Variants in CYP2C18 observed in about 807,000 individuals in gnomAD.
CYP2C18 encodes cytochrome P450 family 2 subfamily C member 18.
CYP2C18 carries 38 observed loss-of-function variants against 41.3 expected under a neutral mutation model. That is an observed-to-expected ratio of 0.92 (90% CI 0.71 to 1.21). The LOEUF is 1.21. Ranked by LOEUF, CYP2C18 falls within the 50% of genes most tolerant of loss-of-function variation. The probability of loss-of-function intolerance (pLI) is 0.00; values close to 1 mark genes in which losing one functional copy is unlikely to be tolerated. For missense variants in CYP2C18, 635 were observed against 591.4 expected (o/e 1.07, Z -0.77); for synonymous variants, 236 against 210.0 (o/e 1.12, Z -1.07).
intron 4 of CYP2C18, among the ~76,000 whole-genome samples, chr10:94,704,537 T>G (rs1847303634): frequency 6.6e-6 from 1 of 151,154 alleles, no homozygotes; most frequent in Admixed American, 6.6e-5. Context: ...TGGAAGGAAG[T>G]AAGGAAAGGA....
chr10:94,692,795 G>C (rs1377771508), intron 3 of CYP2C18, among the ~76,000 whole-genome samples: 1 of 152,158 alleles, frequency 6.6e-6, no homozygotes, highest in African/African-American at 2.4e-5. Flanking sequence ...CGATAGACTG[G>C]ATTAAGAAAA....
At chr10:94,712,030 TAGAGATAGGG>T (rs1589801020) in intron 5 of CYP2C18, among the ~76,000 whole-genome samples, 36 of 98,352 alleles carry the variant, frequency 3.7e-4, no homozygotes, top group East Asian at 1.5e-3. Context: ...TTTTTTTTTG[TAGAGATAGGG>T]TCTTTCCAGG....
intron 5 of CYP2C18, among the ~76,000 whole-genome samples, chr10:94,708,171 C>T (rs143101926): frequency 6.6e-6 from 1 of 152,222 alleles, no homozygotes; most frequent in East Asian, 1.9e-4. Context: ...CATGAAATTG[C>T]CCATGGAATG....
chr10:94,698,803 A>G (rs1323481015), intron 4 of CYP2C18, among the ~76,000 whole-genome samples: 1 of 152,218 alleles, frequency 6.6e-6, no homozygotes, highest in African/African-American at 2.4e-5. Context: ...GGATATCACC[A>G]CCAATCCCAC....
intron 6 of CYP2C18, among the ~76,000 whole-genome samples, chr10:94,721,799 T>C (rs756663252): frequency 7.2e-5 from 11 of 152,162 alleles, no homozygotes; most frequent in Non-Finnish European, 1.5e-4. Flanking sequence ...TTCGTTCTTT[T>C]ACATGGCTGA....
intron 5 of CYP2C18, among the ~76,000 whole-genome samples, chr10:94,720,131 TAG>T (rs988799926): frequency 2.0e-5 from 3 of 152,156 alleles, no homozygotes; most frequent in African/African-American, 7.2e-5. Flanking sequence ...TTATATGTCA[TAG>T]ACAAGAAATA....
At chr10:94,695,192 G>C in intron 4 of CYP2C18, 115 bp downstream of exon 4, 2 of 970,952 alleles carry the variant, frequency 2.1e-6, no homozygotes, top group Non-Finnish European at 1.5e-6. Flanking sequence ...GTGCAGAATG[G>C]GCAGGTTTGT....
At chr10:94,695,696 C>T (rs144776548) in intron 4 of CYP2C18, among the ~76,000 whole-genome samples, 1,858 of 151,888 alleles carry the variant, frequency 0.012, 29 homozygotes, top group African/African-American at 0.033. Context: ...TTGCCTCACC[C>T]GGGAAGCACA....
intron 5 of CYP2C18, among the ~76,000 whole-genome samples, chr10:94,709,951 T>C (rs1411248836): frequency 6.6e-6 from 1 of 152,154 alleles, no homozygotes; most frequent in African/African-American, 2.4e-5. Context: ...ATTTCATTGA[T>C]CTATATAGCT....
At chr10:94,735,074 AAATAAGATAT>A (rs1466613358) in intron 8 of CYP2C18, among the ~76,000 whole-genome samples, 179 bp from the exon 9 acceptor site, 1 of 151,816 alleles carries the variant, frequency 6.6e-6, no homozygotes, top group Non-Finnish European at 1.5e-5. Flanking sequence ...GTGCCTAGTA[AAATAAGATAT>A]TAAGTAGATA....
chr10:94,722,580 C>T (rs1407985160), intron 6 of CYP2C18, among the ~76,000 whole-genome samples: 3 of 152,044 alleles, frequency 2.0e-5, no homozygotes, highest in African/African-American at 7.2e-5. Context: ...TTGCTATAGT[C>T]CCCATAAGGC....
intron 5 of CYP2C18, among the ~76,000 whole-genome samples, chr10:94,710,728 T>C (rs537513881): frequency 3.9e-4 from 60 of 152,326 alleles, no homozygotes; most frequent in African/African-American, 1.4e-3. Flanking sequence ...CTGTGTTAAG[T>C]TGATGTTACC....
chr10:94,710,919 A>G (rs1024319590), intron 5 of CYP2C18, among the ~76,000 whole-genome samples: 3 of 151,950 alleles, frequency 2.0e-5, no homozygotes, highest in Non-Finnish European at 2.9e-5. Context: ...TATGTTAATT[A>G]CTCCCTATAG....
At chr10:94,730,415 C>A (rs1336408102) in intron 7 of CYP2C18, among the ~76,000 whole-genome samples, 1 of 152,122 alleles carries the variant, frequency 6.6e-6, no homozygotes, top group Non-Finnish European at 1.5e-5. Flanking sequence ...AACAGGTGAA[C>A]AACCAAGTCA....
intron 1 of CYP2C18, among the ~76,000 whole-genome samples, chr10:94,684,642 A>G (rs187550913): frequency 1.3e-5 from 2 of 152,314 alleles, no homozygotes; most frequent in East Asian, 3.9e-4. Context: ...GCTATTGTCA[A>G]TAGCACTGCA....
chr10:94,715,792 G>T (rs1847530539), intron 5 of CYP2C18, among the ~76,000 whole-genome samples: 1 of 151,606 alleles, frequency 6.6e-6, no homozygotes, highest in Non-Finnish European at 1.5e-5. Context: ...GTAGAATTTG[G>T]CTGTGAATCC....
At position 94,694,926 on chromosome 10, in the gene CYP2C18, G is replaced by A; in HGVS notation, c.491G>A (p.Cys164Tyr). The change falls in exon 4 of 9, where the codon TGT becomes TAT. Residue 164 changes from cysteine to tyrosine, a missense_variant. By Grantham distance (194) the Cys-to-Tyr change is radical. Coordinates refer to ENST00000285979, the MANE Select transcript of CYP2C18 (RefSeq NM_000772.3). ...ATTTCCAATCCTTTAGCCTCACCCT[G>A]TGATCCCACTTTCATCCTGGGCTGT... ...EELRKTNASP[C>Y]DPTFILGCAP... 5.0e-6 allele frequency: 8 copies of A among 1,611,950 alleles called. No homozygotes were observed. Among genetic ancestry groups the A allele is most frequent in the East Asian group, 2.2e-5 (1 of 44,822 alleles).
At chr10:94,699,657 T>G (rs1483221789) in intron 4 of CYP2C18, among the ~76,000 whole-genome samples, 1 of 152,094 alleles carries the variant, frequency 6.6e-6, no homozygotes, top group Non-Finnish European at 1.5e-5. Context: ...AAATAAAAAA[T>G]ATTCAATTAG....
chr10:94,717,719 C>A (rs1847577380), intron 5 of CYP2C18, among the ~76,000 whole-genome samples: 1 of 152,078 alleles, frequency 6.6e-6, no homozygotes, highest in Non-Finnish European at 1.5e-5. Flanking sequence ...AGACTGTCCC[C>A]TTTCCATTGC....
Sources: allele counts gnomAD v4.1 joint callset (sites outside exome capture counted in the v4.1 genomes callset), GRCh38; gene constraint gnomAD v4.1.1; transcripts MANE v1.5; gene names NCBI Gene and HGNC (gene_info 2026-07-23, HGNC 2026-07-21).